Variants in SYT2 observed in about 807,000 individuals in gnomAD.
The protein encoded by SYT2 is synaptotagmin 2.
In SYT2, 15 loss-of-function variants were observed where a neutral mutation model predicts 39.9. The ratio of observed to expected loss-of-function variants is 0.38; its 90% CI spans 0.25 to 0.58. The LOEUF (loss-of-function observed/expected upper bound fraction) is 0.58. SYT2 is among the 20% of genes least tolerant of loss of function. SYT2 has a pLI of 0.70. For synonymous variants in SYT2, 181 were observed against 204.5 expected (o/e 0.89, Z 0.98); for missense variants, 389 against 530.3 (o/e 0.73, Z 2.62).
intron 1 of SYT2, among the ~76,000 whole-genome samples, chr1:202,709,644 GA>G (rs1654342926): frequency 6.6e-6 from 1 of 151,994 alleles, no homozygotes; most frequent in Non-Finnish European, 1.5e-5. Flanking sequence ...GGAGAGAGGG[GA>G]GGGGCGCCTC....
chr1:202,620,839 G>T (rs965677889), intron 1 of SYT2, among the ~76,000 whole-genome samples: 2 of 152,156 alleles, frequency 1.3e-5, no homozygotes, highest in Non-Finnish European at 2.9e-5. Flanking sequence ...GTAGTTCTGG[G>T]ATGTTCTGCT....
At chr1:202,631,971 G>T (rs904828208) in intron 1 of SYT2, 5 of 945,660 alleles carry the variant, frequency 5.3e-6, no homozygotes, top group Non-Finnish European at 5.0e-6. Context: ...CTGCTGGTTC[G>T]CCAGGCAGTT....
chr1:202,674,640 C>T (rs1653299530), intron 1 of SYT2, among the ~76,000 whole-genome samples: 1 of 152,152 alleles, frequency 6.6e-6, no homozygotes, highest in South Asian at 2.1e-4. Flanking sequence ...CCTAAGGATT[C>T]TTTTCAAATG....
chr1:202,687,682 AAAG>A (rs1653707003), intron 1 of SYT2, among the ~76,000 whole-genome samples: 4 of 151,200 alleles, frequency 2.6e-5, no homozygotes, highest in Non-Finnish European at 5.9e-5. Flanking sequence ...AAAAAAAAAA[AAAG>A]AAAAGAAAGA....
intron 1 of SYT2, among the ~76,000 whole-genome samples, chr1:202,691,929 A>G (rs1227440357): frequency 6.6e-6 from 1 of 152,116 alleles, no homozygotes; most frequent in Non-Finnish European, 1.5e-5. Context: ...CTACAGGCAT[A>G]CAAGGACACA....
intron 1 of SYT2, among the ~76,000 whole-genome samples, chr1:202,683,913 G>T (rs1286952455): frequency 3.9e-5 from 6 of 151,986 alleles, no homozygotes; most frequent in African/African-American, 1.2e-4. Context: ...TCTGGCTGAA[G>T]GTTACCCAGG....
At position 202,658,789 on chromosome 1, in the gene SYT2, G is replaced by A. The variant is rs114998439; in HGVS notation, c.-18+51469C>T. Among the ~76,000 whole-genome samples the A allele has an allele frequency of 1.8e-3, 275 of 152,148 alleles. 1 individual carries two copies. Among genetic ancestry groups the A allele is most frequent in the African/African-American group, 6.5e-3 (269 of 41,514 alleles). On this transcript the variant is annotated intron_variant, in intron 1 of 8. Transcript: ENST00000367268. The stretch of plus-strand genomic sequence containing the variant: ...GTGTCAACCCCTCCCAATTCAGGGT[G>A]CTGGCACCCTCCTCTTGCCCCTGCC...
intron 1 of SYT2, among the ~76,000 whole-genome samples, chr1:202,686,613 C>T (rs1653675382): frequency 6.6e-6 from 1 of 152,166 alleles, no homozygotes; most frequent in Non-Finnish European, 1.5e-5. Flanking sequence ...CCTGGTCATC[C>T]TGAAACCCAT....
At chr1:202,657,765 G>T (rs147007043) in intron 1 of SYT2, among the ~76,000 whole-genome samples, 288 of 152,244 alleles carry the variant, frequency 1.9e-3, no homozygotes, top group Non-Finnish European at 3.5e-3. Flanking sequence ...AGCACTGGAA[G>T]CCAGCAGGTG....
intron 1 of SYT2, among the ~76,000 whole-genome samples, chr1:202,635,687 C>T (rs1295496893): frequency 6.6e-6 from 1 of 152,148 alleles, no homozygotes; most frequent in Non-Finnish European, 1.5e-5. Context: ...CCCAGATGAC[C>T]AGGTGGGAAG....
At chr1:202,666,603 C>T (rs917588439) in intron 1 of SYT2, among the ~76,000 whole-genome samples, 4 of 152,188 alleles carry the variant, frequency 2.6e-5, no homozygotes, top group Admixed American at 1.3e-4. Context: ...CTTTATCGGT[C>T]TATTGAGACT....
chr1:202,706,547 AAAAC>A (rs1654256499), intron 1 of SYT2, among the ~76,000 whole-genome samples: 2 of 152,372 alleles, frequency 1.3e-5, no homozygotes, highest in South Asian at 4.1e-4. Context: ...GCAAGACTAA[AAAAC>A]AGAGTGTGAT....
chr1:202,602,291 G>T, intron 5 of SYT2, 87 bp downstream of exon 5: 1 of 1,442,716 alleles, frequency 6.9e-7, no homozygotes, highest in Non-Finnish European at 9.5e-7. Context: ...GCTGAGCCAT[G>T]GCTAAGGACC....
intron 1 of SYT2, among the ~76,000 whole-genome samples, chr1:202,709,255 T>TA (rs1654329422): frequency 6.6e-6 from 1 of 152,100 alleles, no homozygotes; most frequent in South Asian, 2.1e-4. Flanking sequence ...GGAGAGCACC[T>TA]ACTCTGCCAC....
At chr1:202,638,636 T>C (rs1175960484) in intron 1 of SYT2, among the ~76,000 whole-genome samples, 2 of 152,196 alleles carry the variant, frequency 1.3e-5, no homozygotes, top group Non-Finnish European at 2.9e-5. Flanking sequence ...CACTCCAAGA[T>C]ACAAAGGGTT....
At chr1:202,672,831 C>T (rs1417703802) in intron 1 of SYT2, among the ~76,000 whole-genome samples, 2 of 137,432 alleles carry the variant, frequency 1.5e-5, no homozygotes, top group African/African-American at 2.7e-5. Flanking sequence ...GCAGAAGATA[C>T]CCAGACCTGA....
Position 202,623,394 on chromosome 1 carries a change from G to A in SYT2, c.-17-17605C>T, listed in dbSNP as rs534952121. On this transcript the variant is annotated intron_variant, in intron 1 of 8. Coordinates refer to ENST00000367268, the MANE Select transcript of SYT2 (RefSeq NM_177402.5). The surrounding 1 kb of genome is among the most constrained non-coding windows in gnomAD (Gnocchi z 4.2). ...GGGGCTGCCTCTGGCCCCCAGACAGGCTGCCTTCCCACCTCCTTCTCCAGA... is the reference window on the plus strand; with the variant it reads ...GGGGCTGCCTCTGGCCCCCAGACAGACTGCCTTCCCACCTCCTTCTCCAGA... Among the ~76,000 whole-genome samples, 50 of 152,310 alleles carry A rather than the reference G, an allele frequency of 3.3e-4. No homozygotes were observed. The highest frequency in any genetic ancestry group is 1.2e-3 in the African/African-American group (48 of 41,566).
chr1:202,661,722 A>AC (rs1222802648), intron 1 of SYT2, among the ~76,000 whole-genome samples: 1 of 151,648 alleles, frequency 6.6e-6, no homozygotes. Context: ...CTCTCCCTCC[A>AC]CCCCTGCGGG....
chr1:202,641,538 C>T (rs1342323392), intron 1 of SYT2, among the ~76,000 whole-genome samples: 5 of 152,216 alleles, frequency 3.3e-5, no homozygotes, highest in Non-Finnish European at 5.9e-5. Context: ...TCCGCAACAC[C>T]CTAATGCCCA....
Sources: allele counts gnomAD v4.1 joint callset (sites outside exome capture counted in the v4.1 genomes callset), GRCh38; gene constraint gnomAD v4.1.1; non-coding constraint Gnocchi (gnomAD v3.1); transcripts MANE v1.5; gene names NCBI Gene and HGNC (gene_info 2026-07-23, HGNC 2026-07-21).